LRRC7: variants seen among roughly 807,000 people sequenced by gnomAD.
LRRC7 encodes the protein leucine-rich repeat-containing protein 7.
Under a neutral mutation model 175.7 loss-of-function variants are expected in LRRC7, and 23 were observed. The observed-to-expected ratio is 0.13, with a 90% confidence interval of 0.09 to 0.19. The LOEUF (loss-of-function observed/expected upper bound fraction) is 0.19, where lower values mean the gene tolerates loss of function less well. LRRC7 is among the 10% of genes least tolerant of loss of function. LRRC7 has a pLI of 1.00. For synonymous variants in LRRC7, 685 were observed against 680.9 expected (o/e 1.01, Z -0.09); for missense variants, 1,354 against 1,904.7 (o/e 0.71, Z 5.38).
At chr1:69,715,769 AT>A (rs1557637939) in intron 2 of LRRC7, among the ~76,000 whole-genome samples, 1 of 151,898 alleles carries the variant, frequency 6.6e-6, no homozygotes, top group Non-Finnish European at 1.5e-5. Flanking sequence ...TATTTTTTAA[AT>A]TTTTTTATAA....
chr1:69,881,444 T>C (rs1207621854), intron 7 of LRRC7, among the ~76,000 whole-genome samples: 1 of 152,232 alleles, frequency 6.6e-6, no homozygotes, highest in Non-Finnish European at 1.5e-5. Context: ...TTGAAATTGT[T>C]AGCATCATTC....
At chr1:69,925,393 A>G (rs1255238409) in intron 7 of LRRC7, among the ~76,000 whole-genome samples, 4 of 152,102 alleles carry the variant, frequency 2.6e-5, no homozygotes, top group Non-Finnish European at 5.9e-5. Context: ...TCCTCCTTGT[A>G]GCTCTGGTAG....
chr1:69,878,010 G>A (rs1286333010), intron 7 of LRRC7, among the ~76,000 whole-genome samples: 1 of 152,190 alleles, frequency 6.6e-6, no homozygotes, highest in East Asian at 1.9e-4. Context: ...CAGGATGGCA[G>A]GGAAAAAGAG....
At chr1:69,650,489 G>C (rs1655647380) in intron 1 of LRRC7, among the ~76,000 whole-genome samples, 1 of 137,290 alleles carries the variant, frequency 7.3e-6, no homozygotes, top group Admixed American at 7.7e-5. Flanking sequence ...GCAGTGAGCC[G>C]AGATCGCGCC....
At chr1:69,689,049 TA>T (rs765000819) in intron 2 of LRRC7, among the ~76,000 whole-genome samples, 6 of 152,210 alleles carry the variant, frequency 3.9e-5, no homozygotes, top group Non-Finnish European at 5.9e-5. Flanking sequence ...CAGGCACCTA[TA>T]AATCATTCAG....
At chr1:69,890,906 G>A (rs903814418) in intron 7 of LRRC7, among the ~76,000 whole-genome samples, 4 of 152,186 alleles carry the variant, frequency 2.6e-5, no homozygotes, top group African/African-American at 9.7e-5. Flanking sequence ...AGTCTTCATA[G>A]TATTGAAGAG....
In LRRC7 at chr1:70,132,171, C is replaced by T. The variant is rs1381637384; in HGVS notation, c.*10284C>T. ...CCCCTTCTTCAGACAGCCCTGAATT[C>T]CCTTCCTCTCTCTCTGCTCTCTCTT... On this transcript the variant is annotated 3_prime_UTR_variant, in exon 27 of 27. Coordinates refer to ENST00000651989, the MANE Select transcript of LRRC7 (RefSeq NM_001370785.2). The T allele has an allele frequency of 6.6e-6, 1 of 152,242 alleles. No homozygotes were observed. The highest frequency in any genetic ancestry group is 1.5e-5 in the Non-Finnish European group (1 of 68,088). 9.4% of individuals were successfully genotyped at this position (152,242 alleles called of 1,614,324 possible). A position where few individuals can be genotyped will look rare whatever the true frequency, so the allele number is the denominator to read the frequency against.
At chr1:70,075,983 G>C in intron 23 of LRRC7, 94 bp from the exon 24 acceptor site, 1 of 1,326,994 alleles carries the variant, frequency 7.5e-7, no homozygotes, top group South Asian at 1.3e-5. Context: ...AAATGGTGCC[G>C]CTTTACCAGA....
At chr1:69,794,377 T>G (rs1404041284) in intron 4 of LRRC7, among the ~76,000 whole-genome samples, 1 of 152,162 alleles carries the variant, frequency 6.6e-6, no homozygotes. Flanking sequence ...ACTTGCCACT[T>G]AGAGGGTTTT....
chr1:69,600,103 A>G (rs1466684206), intron 1 of LRRC7, among the ~76,000 whole-genome samples: 1 of 152,240 alleles, frequency 6.6e-6, no homozygotes, highest in Non-Finnish European at 1.5e-5. Flanking sequence ...ATTTTAAAAT[A>G]CATTTAGATT....
chr1:69,585,806 C>A (rs1027053490), intron 1 of LRRC7, among the ~76,000 whole-genome samples: 7 of 152,138 alleles, frequency 4.6e-5, no homozygotes, highest in African/African-American at 1.7e-4. Context: ...CAGCCAGCCA[C>A]CAGTGAGTTC....
chr1:69,815,576 G>A (rs1370255209), intron 4 of LRRC7, among the ~76,000 whole-genome samples: 1 of 152,106 alleles, frequency 6.6e-6, no homozygotes, highest in Admixed American at 6.6e-5. Context: ...AAAACAGCTA[G>A]GCTTGACACC....
chr1:70,003,773 G>A (rs1655747691), intron 11 of LRRC7, among the ~76,000 whole-genome samples: 1 of 151,966 alleles, frequency 6.6e-6, no homozygotes, highest in African/African-American at 2.4e-5. Flanking sequence ...ACTCCTGCAT[G>A]CATGAAATGT....
At chr1:69,999,948 G>C (rs1307324312) in intron 11 of LRRC7, among the ~76,000 whole-genome samples, 2 of 152,178 alleles carry the variant, frequency 1.3e-5, no homozygotes, top group East Asian at 3.9e-4. Context: ...CTCACTGTAG[G>C]TCCTGGGAGC....
At chr1:69,717,940 GAAAGAAAGA>G (rs1665766379) in intron 2 of LRRC7, among the ~76,000 whole-genome samples, 1 of 75,890 alleles carries the variant, frequency 1.3e-5, no homozygotes, top group Non-Finnish European at 2.3e-5. Context: ...AAGAAAGAAA[GAAAGAAAGA>G]AAGAAAGAAG....
chr1:69,728,439 G>T (rs1025654521), intron 2 of LRRC7, among the ~76,000 whole-genome samples: 1 of 152,292 alleles, frequency 6.6e-6, no homozygotes, highest in Middle Eastern at 3.4e-3. Flanking sequence ...AGCAAGGGAA[G>T]GAAGGATAAA....
At chr1:69,896,020 A>G (rs934327017) in intron 7 of LRRC7, among the ~76,000 whole-genome samples, 4 of 152,214 alleles carry the variant, frequency 2.6e-5, no homozygotes, top group African/African-American at 9.6e-5. Context: ...AATACTGGTT[A>G]TCTTTTGGGA....
rs373225160 is a variant in LRRC7, at chr1:70,130,753, G to C, written c.*8866G>C. Among the ~76,000 whole-genome samples the C allele has an allele frequency of 6.6e-6, 1 of 152,092 alleles. No individual in the cohort carries two copies. The highest frequency in any genetic ancestry group is 1.9e-4 in the East Asian group (1 of 5,188). On this transcript the variant is annotated 3_prime_UTR_variant, in exon 27 of 27. Transcript: ENST00000651989. ...GTCATGCACATTGTCACTAGATTACGTTACCTAAGCAATTTTTACAATTTG... is the reference window on the plus strand; with the variant it reads ...GTCATGCACATTGTCACTAGATTACCTTACCTAAGCAATTTTTACAATTTG...
At chr1:70,038,021 A>G in intron 20 of LRRC7, 92 bp from the exon 21 acceptor site, 4 of 1,461,576 alleles carry the variant, frequency 2.7e-6, no homozygotes, top group Non-Finnish European at 3.7e-6. Flanking sequence ...CAGTTAAACA[A>G]AGGATGATGG....
Sources: allele counts gnomAD v4.1 joint callset (sites outside exome capture counted in the v4.1 genomes callset), GRCh38; gene constraint gnomAD v4.1.1; transcripts MANE v1.5; gene names NCBI Gene and HGNC (gene_info 2026-07-23, HGNC 2026-07-21).